The following NLRC5 variants were observed in gnomAD, a reference collection of about 807,000 sequenced individuals.
NLRC5 encodes the protein NLR family CARD domain containing 5, also known as protein NLRC5.
A neutral mutation model predicts 206.9 loss-of-function variants in NLRC5; 114 were observed. That is an observed-to-expected ratio of 0.55 (90% CI 0.47 to 0.64). The LOEUF (loss-of-function observed/expected upper bound fraction) is 0.64, where lower values mean the gene tolerates loss of function less well. Among genes scored for constraint, NLRC5 ranks in the 30% least tolerant of loss-of-function variants. The probability of loss-of-function intolerance (pLI) is 0.00; values close to 1 mark genes in which losing one functional copy is unlikely to be tolerated. For missense variants in NLRC5, 2,008 were observed against 2,305.5 expected (o/e 0.87, Z 2.64); for synonymous variants, 952 against 962.8 (o/e 0.99, Z 0.21).
At chr16:57,011,318 C>T (rs2059468524) in intron 1 of NLRC5, among the ~76,000 whole-genome samples, 1 of 150,990 alleles carries the variant, frequency 6.6e-6, no homozygotes, top group South Asian at 2.1e-4. Context: ...GAGGTTGAGA[C>T]AGGAGAATCG....
At chr16:57,056,106 A>C (rs1374005556) in intron 27 of NLRC5, among the ~76,000 whole-genome samples, 3 of 152,214 alleles carry the variant, frequency 2.0e-5, no homozygotes, top group Non-Finnish European at 4.4e-5. Context: ...GAACTGAGAC[A>C]CAGAGGGTGT....
rs552704360 is a variant in NLRC5 at position 57,031,145 on chromosome 16, T to A, written c.2418-259T>A. Among the ~76,000 whole-genome samples the A allele has an allele frequency of 6.6e-5, 10 of 152,176 alleles. No homozygotes were observed. The East Asian group carries it at 1.7e-3, about 26-fold the overall frequency. On this transcript the variant is annotated intron_variant, in intron 10 of 48. Coordinates refer to ENST00000688547, the MANE Select transcript of NLRC5 (RefSeq NM_001384950.1). ...AAAAAAAAACTCACAACATTCTTAATTTTTATTATATTTCTTGTGAAAATT... is the reference window on the plus strand; with the variant it reads ...AAAAAAAAACTCACAACATTCTTAAATTTTATTATATTTCTTGTGAAAATT...
intron 1 of NLRC5, among the ~76,000 whole-genome samples, chr16:57,000,533 G>A (rs1288315043): frequency 2.0e-5 from 3 of 151,880 alleles, no homozygotes; most frequent in Admixed American, 6.6e-5. Flanking sequence ...CCCCAGGGCC[G>A]CCAGGCAGGG....
intron 8 of NLRC5, among the ~76,000 whole-genome samples, chr16:57,029,037 T>G (rs1449639764): frequency 1.3e-5 from 2 of 152,120 alleles, no homozygotes; most frequent in Non-Finnish European, 2.9e-5. Flanking sequence ...CACCACTTCA[T>G]CCACACAGAT....
Position 57,070,560 on chromosome 16 carries a change from G to A in NLRC5, c.4609G>A (p.Glu1537Lys), listed in dbSNP as rs1283743243. Residue 1537 changes from glutamate (E) to lysine (K), a missense_variant, in exon 38 of 49, where the codon GAG becomes AAG. By Grantham distance (56) the Glu-to-Lys change is moderately conservative (BLOSUM62 1). Coordinates refer to ENST00000688547, the MANE Select transcript of NLRC5 (RefSeq NM_001384950.1). ...LDLSNNQFDE[E>K]GTKALMRALE... ...CTTGTCTAACAATCAATTTGATGAG[G>A]AGGGCACCAAGGCGCTGATGAGGGC... is the stretch of plus-strand genomic sequence containing the variant. 3.1e-6 allele frequency: 5 copies of A among 1,614,012 alleles called. No individual in the cohort carries two copies. The highest frequency in any genetic ancestry group is 3.3e-5 in the Admixed American group (2 of 60,002).
chr16:57,046,415 C>A, intron 21 of NLRC5, 137 bp from the exon 22 acceptor site: 1 of 659,524 alleles, frequency 1.5e-6, no homozygotes, highest in Non-Finnish European at 2.7e-6. Context: ...CCAGCCCTGA[C>A]TTTCCAAGTC....
intron 19 of NLRC5, 119 bp downstream of exon 19, chr16:57,042,184 C>A: frequency 3.4e-6 from 2 of 585,108 alleles, no homozygotes; most frequent in South Asian, 3.1e-5. Flanking sequence ...ATGAAAATTG[C>A]CCCTAATACA....
intron 1 of NLRC5, among the ~76,000 whole-genome samples, chr16:57,001,238 G>C (rs1284457278): frequency 6.6e-6 from 1 of 152,198 alleles, no homozygotes; most frequent in East Asian, 1.9e-4. Flanking sequence ...ACCAACAACA[G>C]CAGCACTTTC....
chr16:57,019,592 T>A (rs1480240626), intron 2 of NLRC5, among the ~76,000 whole-genome samples: 1 of 152,146 alleles, frequency 6.6e-6, no homozygotes, highest in Non-Finnish European at 1.5e-5. Flanking sequence ...ATGGGCAGCT[T>A]TACCTTCCAC....
At chr16:56,990,293 G>A (rs1390784038) in intron 1 of NLRC5, among the ~76,000 whole-genome samples, 10 of 152,158 alleles carry the variant, frequency 6.6e-5, no homozygotes, top group African/African-American at 2.2e-4. Flanking sequence ...AGGTATTTCA[G>A]AATGTACTAA....
intron 38 of NLRC5, 128 bp from the exon 39 acceptor site, chr16:57,074,472 T>C (rs2068117445): frequency 1.3e-6 from 1 of 760,888 alleles, no homozygotes; most frequent in South Asian, 1.5e-5. Flanking sequence ...GTAGAATTTT[T>C]ACACTGTGTG....
At chr16:57,074,922 T>C (rs2068179798) in intron 39 of NLRC5, among the ~76,000 whole-genome samples, 1 of 150,790 alleles carries the variant, frequency 6.6e-6, no homozygotes, top group African/African-American at 2.4e-5. Context: ...GAACAACCCT[T>C]GAGGCACACA....
Position 57,026,635 on chromosome 16 carries a change from C to T in NLRC5, c.1692C>T (p.Phe564=). The T allele has an allele frequency of 6.2e-7, 1 of 1,614,222 alleles. No homozygotes were observed. Among genetic ancestry groups the T allele is most frequent in the Non-Finnish European group, 8.5e-7 (1 of 1,180,040 alleles). The change falls in exon 6 of 49, where the codon TTC becomes TTT. Residue 564 remains phenylalanine (F), a synonymous_variant. Transcript: ENST00000688547. ...GCCTCTCAGACCACCTCCCCACCTT[C>T]CTGGCGGGCCTGGCATCCTGCACCT... is the stretch of plus-strand genomic sequence containing the variant. ...RLGLSDHLPT[F]LAGLASCTCR... is the part of the protein sequence containing the mutation.
At position 57,036,170 on chromosome 16, in the gene NLRC5, G is replaced by T. The variant is rs201051347; in HGVS notation, c.2698G>T (p.Ala900Ser). 1.1e-5 allele frequency: 18 copies of T among 1,613,206 alleles called. No homozygotes were observed. The Admixed American group carries it at 2.3e-4, about 21-fold the overall frequency. Reference protein sequence around the residue: ...MAEAASQLHIARKLDLSNNGL... With the variant: ...MAEAASQLHISRKLDLSNNGL... ...AGAGGCTGCATCCCAGCTGCACATC[G>T]CCAGGAAGCTGGAGTGAGTTGTCCA... Residue 900 changes from alanine (A) to serine (S), a missense_variant, in exon 14 of 49, where the codon GCC (alanine) becomes TCC (serine). By Grantham distance (99) the Ala-to-Ser change is moderately conservative (BLOSUM62 1). Transcript: ENST00000688547.
chr16:57,057,559 T>G (rs2065842098), intron 27 of NLRC5, among the ~76,000 whole-genome samples: 1 of 125,740 alleles, frequency 8.0e-6, no homozygotes, highest in African/African-American at 3.5e-5. Context: ...CCTGCAAACA[T>G]TTTTTTTTCC....
intron 23 of NLRC5, among the ~76,000 whole-genome samples, chr16:57,051,002 A>G (rs1451218409): frequency 6.6e-6 from 1 of 152,008 alleles, no homozygotes; most frequent in East Asian, 1.9e-4. Context: ...ACAGGTGTGC[A>G]CCACCACGCC....
At chr16:57,046,431 G>A (rs2143963620) in intron 21 of NLRC5, 121 bp from the exon 22 acceptor site, 1 of 731,838 alleles carries the variant, frequency 1.4e-6, no homozygotes, top group East Asian at 2.6e-5. Context: ...AAGTCTGGGA[G>A]TCCAATGTGG....
chr16:56,994,239 G>A (rs1446878926), intron 1 of NLRC5, among the ~76,000 whole-genome samples: 4 of 151,512 alleles, frequency 2.6e-5, no homozygotes, highest in African/African-American at 4.9e-5. Context: ...GAAGGTGGAG[G>A]GAGGTTAGCC....
At chr16:57,064,666 G>A (rs1276225671) in intron 32 of NLRC5, among the ~76,000 whole-genome samples, 1 of 152,226 alleles carries the variant, frequency 6.6e-6, no homozygotes, top group Non-Finnish European at 1.5e-5. Context: ...GCTCACGCCT[G>A]TAATCCCAGC....
Sources: allele counts gnomAD v4.1 joint callset (sites outside exome capture counted in the v4.1 genomes callset), GRCh38; gene constraint gnomAD v4.1.1; transcripts MANE v1.5; gene names NCBI Gene and HGNC (gene_info 2026-07-23, HGNC 2026-07-21).